The following MGAT4B variants were observed in gnomAD, a reference collection of about 807,000 sequenced individuals.
MGAT4B encodes the protein alpha-1,3-mannosyl-glycoprotein 4-beta-N-acetylglucosaminyltransferase B.
MGAT4B carries 38 observed loss-of-function variants against 73.9 expected under a neutral mutation model. The observed-to-expected ratio is 0.51, with a 90% CI of 0.40 to 0.67. MGAT4B has a LOEUF of 0.67. Ranked by LOEUF, MGAT4B falls within the 30% of genes least tolerant of loss-of-function variation. The pLI, the probability that MGAT4B is intolerant of heterozygous loss-of-function variation, is 0.00. For synonymous variants in MGAT4B, 373 were observed against 313.5 expected, an observed-to-expected ratio of 1.19 and a Z score of -2.01; for missense variants, 686 against 735.2, an observed-to-expected ratio of 0.93 and a Z score of 0.77.
intron 11 of MGAT4B, 134 bp downstream of exon 11, chr5:179,798,794 C>A: frequency 8.5e-7 from 1 of 1,174,458 alleles, no homozygotes; most frequent in South Asian, 1.4e-5. Context: ...TTAGTCCTCA[C>A]AAGGTAGCTA....
intron 1 of MGAT4B, among the ~76,000 whole-genome samples, chr5:179,805,975 C>G (rs1330918987): frequency 1.1e-5 from 1 of 89,834 alleles, no homozygotes; most frequent in Admixed American, 1.0e-4. Flanking sequence ...TGCCTCAGGA[C>G]GCCTCCCTCC....
Position 179,799,329 on chromosome 5 carries a change from AC to A in MGAT4B, c.1042-20del. On this transcript the variant is annotated intron_variant, in intron 9 of 14. Transcript: ENST00000292591. ...AGTGCTTCTGTGGAGGGTGGGCAAC[AC>A]CCCAGGGCTCGGCTTAGCCCTCCTT... 1 of 1,612,120 alleles carries A rather than the reference AC, an allele frequency of 6.2e-7. No homozygotes were observed.
rs750203668 is a variant in MGAT4B at position 179,801,857 on chromosome 5, C to T, written c.210G>A (p.Glu70=). The T allele has an allele frequency of 3.1e-6, 5 of 1,610,638 alleles. No individual in the cohort carries two copies. The highest frequency in any genetic ancestry group is 4.2e-6 in the Non-Finnish European group (5 of 1,177,826). ...RSKELNLVLD[E]IKRAVSERQA... is the part of the protein sequence containing the mutation. ...GCCTTTCTGACACGGCCCTCTTGATCTCGTCCAGCACCAGGTTGAGCTCCT... is the reference window on the plus strand; with the variant it reads ...GCCTTTCTGACACGGCCCTCTTGATTTCGTCCAGCACCAGGTTGAGCTCCT... The change falls in exon 2 of 15, where the codon GAG becomes GAA. Residue 70 remains glutamate (E), a synonymous_variant. Coordinates refer to ENST00000292591, the MANE Select transcript of MGAT4B (RefSeq NM_014275.5). This position sits in a 1 kb window ranked among gnomAD's most constrained non-coding sequence, Gnocchi z 4.8.
rs1042429404 is a variant in MGAT4B at position 179,806,527 on chromosome 5, G to A, written c.57C>T (p.Phe19=). ...GTGCCGCGTACCAGGACAGCGAGAG[G>A]AAGGCGCACAGGCAGAAGAGCAGCA... ...LTLLLFCLCA[F]LSLSWYAALS... The change falls in exon 1 of 15, where the codon TTC becomes TTT. Residue 19 remains phenylalanine (F), a synonymous_variant. Transcript: ENST00000292591. The surrounding 1 kb of genome is among the most constrained non-coding windows in gnomAD (Gnocchi z 4.6). 5 of 1,339,888 alleles carry A rather than the reference G, an allele frequency of 3.7e-6. No individual in the cohort carries two copies. Among genetic ancestry groups the A allele is most frequent in the African/African-American group, 3.1e-5 (2 of 64,368 alleles). The allele number at this position is 1,339,888 out of a possible 1,614,324, so 83.0% of individuals were successfully genotyped here.
At chr5:179,802,613 G>A (rs1756992897) in intron 1 of MGAT4B, 1 of 989,548 alleles carries the variant, frequency 1.0e-6, no homozygotes, top group African/African-American at 1.7e-5. Flanking sequence ...TGTGTCTCTG[G>A]AGACCTGTGC....
chr5:179,797,776 C>G lies in MGAT4B; in HGVS notation c.*269G>C. 2.3e-6 allele frequency: 1 copy of G among 427,626 alleles called. No homozygotes were observed. Among genetic ancestry groups the G allele is most frequent in the Admixed American group, 4.2e-5 (1 of 23,706 alleles). The allele number at this position is 427,626 out of a possible 1,614,324, so 26.5% of individuals were successfully genotyped here. A position where few individuals can be genotyped will look rare whatever the true frequency, so the allele number is the denominator to read the frequency against. On this transcript the variant is annotated 3_prime_UTR_variant, in exon 15 of 15. Coordinates refer to ENST00000292591, the MANE Select transcript of MGAT4B (RefSeq NM_014275.5). ...CGCCCAAGTAAAAGCTCTTCTAAAA[C>G]GGCCTGACTGGGGCAGGCCGGGTGC... is the stretch of plus-strand genomic sequence containing the variant.
In MGAT4B at chr5:179,798,296, G is replaced by A; in HGVS notation, c.1511-19C>T. 6.2e-7 allele frequency: 1 copy of A among 1,612,730 alleles called. No individual in the cohort carries two copies. Among genetic ancestry groups the A allele is most frequent in the Non-Finnish European group, 8.5e-7 (1 of 1,179,740 alleles). On this transcript the variant is annotated intron_variant, in intron 13 of 14. Transcript: ENST00000292591. Reference sequence around the variant, plus strand: ...AAGGAGCCTGTGGGAGGGCAGTGGTGAGAGGGTGTCCCTGAACCCCAGCCC... The same window carrying A: ...AAGGAGCCTGTGGGAGGGCAGTGGTAAGAGGGTGTCCCTGAACCCCAGCCC...
intron 1 of MGAT4B, among the ~76,000 whole-genome samples, chr5:179,804,351 C>T (rs1757056617): frequency 6.6e-6 from 1 of 152,186 alleles, no homozygotes; most frequent in African/African-American, 2.4e-5. Context: ...GTAAGGGTGT[C>T]CATCATTGCT....
intron 6 of MGAT4B, 109 bp from the exon 7 acceptor site, chr5:179,800,368 G>T: frequency 6.9e-7 from 1 of 1,457,806 alleles, no homozygotes; most frequent in Non-Finnish European, 9.6e-7. Context: ...CCATGCACGG[G>T]TCCTCCCATG....
chr5:179,806,693 C>G lies in MGAT4B; in HGVS notation c.-110G>C, dbSNP rs1391794617. ...GCGGCGGCGGCGGCAGGGGCCCCGG[C>G]CCCGGGTCGGGGAGGGGCGGGGGGC... On this transcript the variant is annotated 5_prime_UTR_variant, in exon 1 of 15. Transcript: ENST00000292591. The surrounding 1 kb of genome is among the most constrained non-coding windows in gnomAD (Gnocchi z 4.6). 3.3e-6 allele frequency: 1 copy of G among 301,844 alleles called. No individual in the cohort carries two copies. The highest frequency in any genetic ancestry group is 4.8e-6 in the Non-Finnish European group (1 of 208,986). 18.7% of individuals were successfully genotyped at this position (301,844 alleles called of 1,614,324 possible).
Position 179,801,649 on chromosome 5 carries a change from A to C in MGAT4B, c.329T>G (p.Leu110Arg). Residue 110 changes from leucine to arginine, a missense_variant, in exon 3 of 15, where the codon CTG (leucine) becomes CGG (arginine). Leu to Arg is a moderately radical substitution (Grantham distance 102). Transcript: ENST00000292591. This position sits in a 1 kb window ranked among gnomAD's most constrained non-coding sequence, Gnocchi z 4.8. The stretch of plus-strand genomic sequence containing the variant: ...GTGATGGAAGACGGTGGGCAGGTGC[A>C]GCACGTGCCGGTGTGAGCCGTTCCA... The part of the protein sequence containing the change: ...KPWNGSHRHV[L>R]HLPTVFHHLP... 1 of 1,606,632 alleles carries C rather than the reference A, an allele frequency of 6.2e-7. No homozygotes were observed. Among genetic ancestry groups the C allele is most frequent in the Non-Finnish European group, 8.5e-7 (1 of 1,178,162 alleles).
rs1272024727 is a variant in MGAT4B at position 179,801,349 on chromosome 5, C to T, written c.543G>A (p.Val181=). 1 of 1,611,882 alleles carries T rather than the reference C, an allele frequency of 6.2e-7. No homozygotes were observed. The highest frequency in any genetic ancestry group is 2.2e-5 in the East Asian group (1 of 44,824). The part of the protein sequence containing the change: ...SPQEKEDSVI[V]VLIAETDSQY... ...GCTCACTCGCCTCGGCGATCAGCACCACGATGACCGAGTCCTCCTTCTCCT... is the reference window on the plus strand; with the variant it reads ...GCTCACTCGCCTCGGCGATCAGCACTACGATGACCGAGTCCTCCTTCTCCT... Residue 181 remains valine, a synonymous_variant, in exon 4 of 15, where the codon GTG becomes GTA. Transcript: ENST00000292591. The surrounding 1 kb of genome is among the most constrained non-coding windows in gnomAD (Gnocchi z 4.8).
intron 4 of MGAT4B, 29 bp from the exon 5 acceptor site, chr5:179,800,982 G>T (rs753356615): frequency 1.9e-6 from 3 of 1,613,088 alleles, no homozygotes; most frequent in South Asian, 2.2e-5. Context: ...CCCTCCCTTA[G>T]CCCTGCTGCT....
chr5:179,804,329 A>C (rs1231829977), intron 1 of MGAT4B, among the ~76,000 whole-genome samples: 1 of 152,144 alleles, frequency 6.6e-6, no homozygotes, highest in African/African-American at 2.4e-5. Context: ...CAGACCCTGC[A>C]ACCTCCTAGG....
rs1756910421 is a variant in MGAT4B at position 179,801,233 on chromosome 5, G to T, written c.558+101C>A. On this transcript the variant is annotated intron_variant, in intron 4 of 14. Transcript: ENST00000292591. This position sits in a 1 kb window ranked among gnomAD's most constrained non-coding sequence, Gnocchi z 4.8. Reference sequence around the variant, plus strand: ...GCATTTGCGAATGAAACTAGCAACTGAACTTCCGACAGCTTTCTCCTCGGA... The same window carrying T: ...GCATTTGCGAATGAAACTAGCAACTTAACTTCCGACAGCTTTCTCCTCGGA... The T allele has an allele frequency of 1.4e-6, 2 of 1,441,002 alleles. No homozygotes were observed. Among genetic ancestry groups the T allele is most frequent in the South Asian group, 1.4e-5 (1 of 71,572 alleles). The allele number at this position is 1,441,002 out of a possible 1,614,324, so 89.3% of individuals were successfully genotyped here.
chr5:179,802,568 G>C (rs1756991090), intron 1 of MGAT4B: 1 of 994,488 alleles, frequency 1.0e-6, no homozygotes, highest in African/African-American at 1.7e-5. Flanking sequence ...ACAGTCAACA[G>C]CAGCGAGGGG....
rs377639281 is a variant in MGAT4B at position 179,799,948 on chromosome 5, G to A, written c.910+6C>T. 2 of 1,609,146 alleles carry A rather than the reference G, an allele frequency of 1.2e-6. No homozygotes were observed. Among genetic ancestry groups the A allele is most frequent in the African/African-American group, 2.7e-5 (2 of 74,820 alleles). The stretch of plus-strand genomic sequence containing the variant: ...AAGGCACCGTCAGGTAAGGGGAGGG[G>A]CACACCAATGAAGCCCAGCTGGGAG... On this transcript the variant is annotated splice_donor_region_variant and intron_variant, in intron 8 of 14. Coordinates refer to ENST00000292591, the MANE Select transcript of MGAT4B (RefSeq NM_014275.5).
intron 1 of MGAT4B, among the ~76,000 whole-genome samples, chr5:179,805,834 G>T (rs975703155): frequency 8.5e-5 from 13 of 152,180 alleles, no homozygotes; most frequent in South Asian, 2.1e-4. Flanking sequence ...GGGCGGCGCG[G>T]GGGGATCGGC....
rs1436790551 is a variant in MGAT4B, at chr5:179,801,747, C to G, written c.283+37G>C. On this transcript the variant is annotated intron_variant, in intron 2 of 14. Coordinates refer to ENST00000292591, the MANE Select transcript of MGAT4B (RefSeq NM_014275.5). This position sits in a 1 kb window ranked among gnomAD's most constrained non-coding sequence, Gnocchi z 4.8. ...GAGACCAGGGAACCTACAACCAGCC[C>G]GCCCCCGCCTTTTCCCCCTCCCGCC... The G allele has an allele frequency of 3.2e-6, 5 of 1,572,274 alleles. No individual in the cohort carries two copies. Among genetic ancestry groups the G allele is most frequent in the Non-Finnish European group, 4.3e-6 (5 of 1,157,622 alleles).
Sources: allele counts gnomAD v4.1 joint callset (sites outside exome capture counted in the v4.1 genomes callset), GRCh38; gene constraint gnomAD v4.1.1; non-coding constraint Gnocchi (gnomAD v3.1); transcripts MANE v1.5; gene names NCBI Gene and HGNC (gene_info 2026-07-23, HGNC 2026-07-21).